Variants in ALCAM observed in about 807,000 individuals in gnomAD.
The protein encoded by ALCAM is activated leukocyte cell adhesion molecule.
Under a neutral mutation model 70.9 loss-of-function variants are expected in ALCAM, and 30 were observed. The ratio of observed to expected loss-of-function variants is 0.42; its 90% confidence interval spans 0.32 to 0.57. ALCAM has a LOEUF of 0.57. Among genes scored for constraint, ALCAM ranks in the 20% least tolerant of loss-of-function variants. ALCAM has a pLI of 0.11. For synonymous variants in ALCAM, 249 were observed against 242.5 expected, an observed-to-expected ratio of 1.03 and a Z score of -0.25; for missense variants, 591 against 695.1, an observed-to-expected ratio of 0.85 and a Z score of 1.68.
intron 1 of ALCAM, among the ~76,000 whole-genome samples, chr3:105,379,776 T>C (rs1935470468): frequency 2.0e-5 from 3 of 151,840 alleles, no homozygotes; most frequent in Admixed American, 2.0e-4. Flanking sequence ...GTGAACATTA[T>C]TAAAAACCTA....
intron 1 of ALCAM, among the ~76,000 whole-genome samples, chr3:105,442,474 G>T (rs907337372): frequency 6.6e-6 from 1 of 152,142 alleles, no homozygotes; most frequent in Non-Finnish European, 1.5e-5. Context: ...AAGAGCGAGA[G>T]TTACTCATAA....
At chr3:105,465,502 G>A (rs779976988) in intron 1 of ALCAM, among the ~76,000 whole-genome samples, 1 of 151,410 alleles carries the variant, frequency 6.6e-6, no homozygotes, top group Non-Finnish European at 1.5e-5. Context: ...CATTTACTAT[G>A]CATAAGACAT....
intron 1 of ALCAM, among the ~76,000 whole-genome samples, chr3:105,426,506 A>G (rs1334757263): frequency 6.6e-6 from 1 of 151,934 alleles, no homozygotes; most frequent in Admixed American, 6.6e-5. Context: ...TGATGAGAAT[A>G]TTAAAAAAGT....
chr3:105,383,520 A>G (rs561209912), intron 1 of ALCAM, among the ~76,000 whole-genome samples: 1 of 151,938 alleles, frequency 6.6e-6, no homozygotes, highest in East Asian at 1.9e-4. Context: ...ATGTTGTATG[A>G]ATAAGAAATA....
In ALCAM at chr3:105,552,215, A is replaced by G. The variant is rs1447751945; in HGVS notation, c.1546+33A>G. On this transcript the variant is annotated intron_variant, in intron 13 of 15. Transcript: ENST00000306107. ...CTATGCTGCCGACTCTTCTTCCTTG[A>G]CTATCAGCTCAAGATTTATGAAGTG... The G allele has an allele frequency of 1.9e-6, 3 of 1,571,468 alleles. No homozygotes were observed. In the African/African-American group the frequency reaches 4.1e-5, roughly 22 times the overall value.
intron 1 of ALCAM, among the ~76,000 whole-genome samples, chr3:105,500,508 T>C (rs1231817327): frequency 6.6e-6 from 1 of 152,202 alleles, no homozygotes; most frequent in Non-Finnish European, 1.5e-5. Context: ...AAGTTAATTT[T>C]CTATTACATA....
chr3:105,508,359 A>C lies in ALCAM; in HGVS notation c.74-11708A>C, dbSNP rs371487222. The stretch of plus-strand genomic sequence containing the variant: ...TCATTTTGAGCTCTATCTCCATCAC[A>C]TACTGGCTTCGTGATATTGGCTTAT... On this transcript the variant is annotated intron_variant, in intron 1 of 15. Coordinates refer to ENST00000306107, the MANE Select transcript of ALCAM (RefSeq NM_001627.4). Among the ~76,000 whole-genome samples, 21 of 152,316 alleles carry C rather than the reference A, an allele frequency of 1.4e-4. No individual in the cohort carries two copies. In the East Asian group the frequency reaches 1.7e-3, roughly 13 times the overall value.
intron 1 of ALCAM, among the ~76,000 whole-genome samples, chr3:105,476,047 C>A (rs920329855): frequency 2.7e-4 from 41 of 152,086 alleles, no homozygotes; most frequent in African/African-American, 8.7e-4. Context: ...GAAAATGATT[C>A]CTCCTAAGAC....
chr3:105,384,043 G>C (rs1434997865), intron 1 of ALCAM, among the ~76,000 whole-genome samples: 1 of 151,564 alleles, frequency 6.6e-6, no homozygotes, highest in Non-Finnish European at 1.5e-5. Flanking sequence ...AAATACATCT[G>C]TACTGTGGAC....
At chr3:105,527,602 A>C (rs971960706) in intron 3 of ALCAM, among the ~76,000 whole-genome samples, 1 of 152,074 alleles carries the variant, frequency 6.6e-6, no homozygotes, top group Non-Finnish European at 1.5e-5. Flanking sequence ...TTCATGAAAA[A>C]AAAAAGAAAA....
At chr3:105,532,405 C>T (rs991049938) in intron 4 of ALCAM, among the ~76,000 whole-genome samples, 1 of 152,106 alleles carries the variant, frequency 6.6e-6, no homozygotes, top group African/African-American at 2.4e-5. Flanking sequence ...CACTTGAGCC[C>T]AGGAATGTAC....
intron 8 of ALCAM, among the ~76,000 whole-genome samples, chr3:105,543,692 A>G (rs180971854): frequency 2.6e-5 from 4 of 151,788 alleles, no homozygotes; most frequent in Admixed American, 6.6e-5. Context: ...TAGAGTCTTC[A>G]TCAGAGCTTT....
In ALCAM at chr3:105,576,712, A is replaced by G. The variant is rs1036903350; in HGVS notation, c.*2261A>G. 6.6e-6 allele frequency: 1 copy of G among 152,214 alleles called. No homozygotes were observed. Among genetic ancestry groups the G allele is most frequent in the African/African-American group, 2.4e-5 (1 of 41,458 alleles). 9.4% of individuals were successfully genotyped at this position (152,214 alleles called of 1,614,324 possible). ...TGGCAGCCACATGCACGAAGATGCT[A>G]AGAAGAAAAAGAATTCCAAATCCTC... On this transcript the variant is annotated 3_prime_UTR_variant, in exon 16 of 16. Coordinates refer to ENST00000306107, the MANE Select transcript of ALCAM (RefSeq NM_001627.4).
chr3:105,531,692 T>C (rs933524585), intron 3 of ALCAM, among the ~76,000 whole-genome samples: 1 of 152,124 alleles, frequency 6.6e-6, no homozygotes, highest in Admixed American at 6.6e-5. Context: ...AGAGACAATA[T>C]ATCCTATATA....
chr3:105,545,135 T>C, intron 8 of ALCAM, 88 bp from the exon 9 acceptor site: 1 of 889,986 alleles, frequency 1.1e-6, no homozygotes, highest in African/African-American at 1.6e-5. Flanking sequence ...TAGAAGAAAT[T>C]TATTTTCTTT....
chr3:105,482,989 A>G (rs1024091577), intron 1 of ALCAM, among the ~76,000 whole-genome samples: 1 of 152,064 alleles, frequency 6.6e-6, no homozygotes, highest in Admixed American at 6.6e-5. Flanking sequence ...TCCCCAGCCA[A>G]TTTCCCCCCT....
intron 8 of ALCAM, chr3:105,544,999 T>A (rs1043261827): frequency 1.6e-5 from 7 of 447,150 alleles, no homozygotes; most frequent in African/African-American, 2.0e-5. Flanking sequence ...AATAAATGGA[T>A]AATCAATTAG....
intron 1 of ALCAM, among the ~76,000 whole-genome samples, chr3:105,480,280 G>A (rs552949961): frequency 1.3e-4 from 20 of 152,108 alleles, no homozygotes; most frequent in African/African-American, 3.6e-4. Flanking sequence ...ACCCCAGGAG[G>A]CAGAGGGTGC....
Position 105,574,912 on chromosome 3 carries a change from A to G in ALCAM, c.*461A>G, listed in dbSNP as rs937254941. The G allele has an allele frequency of 5.9e-5, 9 of 152,580 alleles. No homozygotes were observed. Among genetic ancestry groups the G allele is most frequent in the Non-Finnish European group, 2.9e-5 (2 of 68,032 alleles). The allele number at this position is 152,580 out of a possible 1,614,324, so 9.5% of individuals were successfully genotyped here. A position where few individuals can be genotyped will look rare whatever the true frequency, so the allele number is the denominator to read the frequency against. ...TCTGATTGCTATCAGCAATGCCCCA[A>G]ACTTTCTCATAAGCACCTAAAACCC... On this transcript the variant is annotated 3_prime_UTR_variant, in exon 16 of 16. Coordinates refer to ENST00000306107, the MANE Select transcript of ALCAM (RefSeq NM_001627.4).
Sources: allele counts gnomAD v4.1 joint callset (sites outside exome capture counted in the v4.1 genomes callset), GRCh38; gene constraint gnomAD v4.1.1; transcripts MANE v1.5; gene names NCBI Gene and HGNC (gene_info 2026-07-23, HGNC 2026-07-21).